Variants in EPHA2 observed in about 807,000 individuals in gnomAD.
EPHA2 encodes ephrin type-A receptor 2.
A neutral mutation model predicts 104.9 loss-of-function variants in EPHA2; 54 were observed. The ratio of observed to expected loss-of-function variants is 0.51; its 90% confidence interval spans 0.41 to 0.65. The LOEUF is 0.65. EPHA2 is among the 30% of genes least tolerant of loss of function. The probability of loss-of-function intolerance (pLI) is 0.00; values close to 1 mark genes in which losing one functional copy is unlikely to be tolerated. For synonymous variants in EPHA2, 560 were observed against 559.1 expected (o/e 1.00, Z -0.02); for missense variants, 1,117 against 1,369.5 (o/e 0.82, Z 2.91).
At chr1:16,140,208 G>T (rs1005122032) in intron 3 of EPHA2, among the ~76,000 whole-genome samples, 2 of 152,158 alleles carry the variant, frequency 1.3e-5, no homozygotes, top group African/African-American at 4.8e-5. Flanking sequence ...TCCCAACCCT[G>T]GCCCAGGGAC....
At chr1:16,151,882 C>A (rs1021950111) in intron 1 of EPHA2, among the ~76,000 whole-genome samples, 1 of 152,266 alleles carries the variant, frequency 6.6e-6, no homozygotes, top group Non-Finnish European at 1.5e-5. Context: ...GATACACTCC[C>A]GGGGTCTTCC....
At chr1:16,126,423 C>T (rs997080928) in intron 16 of EPHA2, among the ~76,000 whole-genome samples, 2 of 152,176 alleles carry the variant, frequency 1.3e-5, no homozygotes, top group African/African-American at 4.8e-5. Context: ...CATGACTTTC[C>T]CACAGGCTCC....
chr1:16,125,467 T>C lies in EPHA2; in HGVS notation c.2826-147A>G. ...GTGGAGAGGGTGCCTTGGGGACCTGTAGGGCAAGAGAGCTCTGGTTAGGTA... is the reference window on the plus strand; with the variant it reads ...GTGGAGAGGGTGCCTTGGGGACCTGCAGGGCAAGAGAGCTCTGGTTAGGTA... On this transcript the variant is annotated intron_variant, in intron 16 of 16. Transcript: ENST00000358432. The surrounding 1 kb of genome is among the most constrained non-coding windows in gnomAD (Gnocchi z 4.9). 2 of 645,072 alleles carry C rather than the reference T, an allele frequency of 3.1e-6. No homozygotes were observed. Among genetic ancestry groups the C allele is most frequent in the Non-Finnish European group, 5.4e-6 (2 of 372,388 alleles). The allele number at this position is 645,072 out of a possible 1,614,324, so 40.0% of individuals were successfully genotyped here.
chr1:16,150,995 G>C lies in EPHA2; in HGVS notation c.86-32C>G. The C allele has an allele frequency of 6.2e-7, 1 of 1,611,420 alleles. No homozygotes were observed. The highest frequency in any genetic ancestry group is 8.5e-7 in the Non-Finnish European group (1 of 1,177,858). On this transcript the variant is annotated intron_variant, in intron 1 of 16. Transcript: ENST00000358432. The surrounding 1 kb of genome is among the most constrained non-coding windows in gnomAD (Gnocchi z 4.8). ...GGGAGAAGGGAGAGGGGGTGAGCCTGGGGGTGTCTTCAGGAGTCAGACCAT... is the reference window on the plus strand; with the variant it reads ...GGGAGAAGGGAGAGGGGGTGAGCCTCGGGGTGTCTTCAGGAGTCAGACCAT...
intron 10 of EPHA2, 41 bp from the exon 11 acceptor site, chr1:16,133,409 C>T (rs111395424): frequency 1.1e-5 from 17 of 1,613,764 alleles, no homozygotes; most frequent in Middle Eastern, 1.6e-4. Context: ...TGGTCAGCCC[C>T]GGCATGAGGG....
At chr1:16,133,827 A>G in intron 9 of EPHA2, 33 bp downstream of exon 9, 1 of 1,532,464 alleles carries the variant, frequency 6.5e-7, no homozygotes, top group Non-Finnish European at 8.8e-7. Context: ...CGGTGCGGGC[A>G]GGGCTGGGCC....
Position 16,135,009 on chromosome 1 carries a change from G to A in EPHA2, c.1582+27C>T, listed in dbSNP as rs201671092. ...TTGCTTGGTTCTGGGCCCTGGCCTG[G>A]TCCATGCCCAGGGTCCCCCAACTCA... is the stretch of plus-strand genomic sequence containing the variant. On this transcript the variant is annotated intron_variant, in intron 7 of 16. Coordinates refer to ENST00000358432, the MANE Select transcript of EPHA2 (RefSeq NM_004431.5). This position sits in a 1 kb window ranked among gnomAD's most constrained non-coding sequence, Gnocchi z 4.3. The A allele has an allele frequency of 2.5e-6, 4 of 1,609,716 alleles. No individual in the cohort carries two copies. The highest frequency in any genetic ancestry group is 3.4e-6 in the Non-Finnish European group (4 of 1,179,966).
chr1:16,136,655 GAAGAAGAA>G (rs1426880871), intron 5 of EPHA2, among the ~76,000 whole-genome samples: 5 of 126,058 alleles, frequency 4.0e-5, no homozygotes, highest in Admixed American at 8.2e-5. Context: ...GAAGAAGAAA[GAAGAAGAA>G]AAGAAGAAAA....
At chr1:16,146,011 G>A (rs1003379665) in intron 3 of EPHA2, among the ~76,000 whole-genome samples, 1 of 152,196 alleles carries the variant, frequency 6.6e-6, no homozygotes, top group Non-Finnish European at 1.5e-5. Context: ...CTGCCCCTCG[G>A]ACGACACCCG....
rs993362918 is a variant in EPHA2, at chr1:16,140,820, C to T, written c.824-2390G>A. Among the ~76,000 whole-genome samples, 12 of 152,250 alleles carry T rather than the reference C, an allele frequency of 7.9e-5. 1 individual carries two copies. In the South Asian group the frequency reaches 8.3e-4, roughly 11 times the overall value. ...TTTTAGTAGAGATGCAGCCTGGTCT[C>T]GAACTCCTGGCCTCAAGTGATCCAC... is the stretch of plus-strand genomic sequence containing the variant. On this transcript the variant is annotated intron_variant, in intron 3 of 16. Coordinates refer to ENST00000358432, the MANE Select transcript of EPHA2 (RefSeq NM_004431.5).
chr1:16,143,791 T>C (rs908255451), intron 3 of EPHA2, among the ~76,000 whole-genome samples: 146 of 152,274 alleles, frequency 9.6e-4, no homozygotes, highest in African/African-American at 3.4e-3. Flanking sequence ...GATGTGGAGC[T>C]TGGACTTTGT....
chr1:16,129,657 C>G, intron 15 of EPHA2, 68 bp from the exon 16 acceptor site: 6 of 1,528,834 alleles, frequency 3.9e-6, no homozygotes, highest in Non-Finnish European at 5.3e-6. Flanking sequence ...GCACCTGCTG[C>G]TCCCTAACCT....
At position 16,132,129 on chromosome 1, in the gene EPHA2, T is replaced by G; in HGVS notation, c.2260A>C (p.Lys754Gln). 1 of 1,614,178 alleles carries G rather than the reference T, an allele frequency of 6.2e-7. No homozygotes were observed. Among genetic ancestry groups the G allele is most frequent in the Non-Finnish European group, 8.5e-7 (1 of 1,180,020 alleles). Residue 754 changes from lysine (K) to glutamine (Q), a missense_variant, in exon 13 of 17, where the codon AAG (lysine) becomes CAG (glutamine). By Grantham distance (53) the Lys-to-Gln change is moderately conservative. Around this residue, in one of 3 missense-constraint regions of EPHA2, gnomAD observed 340 missense variants for 480.5 expected, o/e 0.71. Transcript: ENST00000358432. Reference protein sequence around the residue: ...NILVNSNLVCKVSDFGLSRVL... With the variant: ...NILVNSNLVCQVSDFGLSRVL... Reference sequence around the variant, plus strand: ...CGGGACAGGCCAAAGTCAGACACCTTGCAGACCAGGTTGCTGTTGACGAGG... The same window carrying G: ...CGGGACAGGCCAAAGTCAGACACCTGGCAGACCAGGTTGCTGTTGACGAGG...
At chr1:16,153,287 T>C in intron 1 of EPHA2, 9 of 985,314 alleles carry the variant, frequency 9.1e-6, no homozygotes, top group Non-Finnish European at 1.1e-5. Flanking sequence ...GAGGCTGTGG[T>C]TCCCTCCCCG....
rs2025015898 is a variant in EPHA2, at chr1:16,150,636, T to C, written c.153+260A>G. 6.6e-6 allele frequency among the ~76,000 whole-genome samples: 1 copy of C among 152,196 alleles called. No homozygotes were observed. Among genetic ancestry groups the C allele is most frequent in the Non-Finnish European group, 1.5e-5 (1 of 68,026 alleles). On this transcript the variant is annotated intron_variant, in intron 2 of 16. Transcript: ENST00000358432. The surrounding 1 kb of genome is among the most constrained non-coding windows in gnomAD (Gnocchi z 4.8). ...TGGAACATGGAAGGCCCAGCTCCGC[T>C]AGGGCCTTCTCTGTCTCCCCAGTTC...
At chr1:16,149,681 C>A (rs995115189) in intron 2 of EPHA2, among the ~76,000 whole-genome samples, 1 of 152,188 alleles carries the variant, frequency 6.6e-6, no homozygotes, top group African/African-American at 2.4e-5. Context: ...CCAGGTGCCC[C>A]CCGCCACCCA....
At chr1:16,155,546 C>T (rs534274995) in intron 1 of EPHA2, 107 of 378,284 alleles carry the variant, frequency 2.8e-4, no homozygotes, top group Non-Finnish European at 4.2e-4. Context: ...CCACGCCCCC[C>T]GCCGGGACGC....
In EPHA2 at chr1:16,132,084, C is replaced by G; in HGVS notation, c.2305G>C (p.Glu769Gln). Reference protein sequence around the residue: ...GLSRVLEDDPEATYTTSGGKI... With the variant: ...GLSRVLEDDPQATYTTSGGKI... ...CTTACACTGGTGGTGTAGGTGGCCT[C>G]GGGGTCGTCCTCCAGCACGCGGGAC... The change falls in exon 13 of 17, where the codon GAG (glutamate) becomes CAG (glutamine). Residue 769 changes from glutamate to glutamine, a missense_variant. By Grantham distance (29) the Glu-to-Gln change is conservative. Transcript: ENST00000358432. The G allele has an allele frequency of 6.2e-7, 1 of 1,614,022 alleles. No homozygotes were observed. Among genetic ancestry groups the G allele is most frequent in the East Asian group, 2.2e-5 (1 of 44,870 alleles).
intron 3 of EPHA2, among the ~76,000 whole-genome samples, chr1:16,147,149 C>T (rs1002486149): frequency 1.3e-5 from 2 of 152,234 alleles, no homozygotes; most frequent in African/African-American, 2.4e-5. Context: ...CCTGGCCACA[C>T]CACGCCACGG....
Sources: gnomAD v4.1 joint callset for allele counts (sites outside exome capture counted in the v4.1 genomes callset) on GRCh38, gnomAD v4.1.1 for gene constraint, gnomAD v4.1.1 regional missense constraint, Gnocchi (gnomAD v3.1) non-coding constraint, MANE v1.5 for transcripts, NCBI Gene and HGNC (gene_info 2026-07-23, HGNC 2026-07-21) for gene names.